Variants in TRPC6 observed in about 807,000 individuals in gnomAD.
TRPC6 encodes short transient receptor potential channel 6.
A neutral mutation model predicts 90.7 loss-of-function variants in TRPC6; 55 were observed. The observed-to-expected ratio is 0.61, with a 90% CI of 0.49 to 0.76. The LOEUF is 0.76. Among genes scored for constraint, TRPC6 ranks in the 30% least tolerant of loss-of-function variants. The pLI, the probability that TRPC6 is intolerant of heterozygous loss-of-function variation, is 0.00. For synonymous variants in TRPC6, 393 were observed against 393.0 expected (o/e 1.00, Z 0.00); for missense variants, 989 against 1,122.7 (o/e 0.88, Z 1.70).
intron 5 of TRPC6, among the ~76,000 whole-genome samples, chr11:101,481,873 A>G (rs1480637101): frequency 6.6e-6 from 1 of 152,180 alleles, no homozygotes; most frequent in Non-Finnish European, 1.5e-5. Context: ...CATCACTCGC[A>G]TCCATAAATG....
intron 6 of TRPC6, 69 bp downstream of exon 6, chr11:101,476,232 C>T: frequency 7.6e-7 from 1 of 1,311,932 alleles, no homozygotes; most frequent in Non-Finnish European, 1.1e-6. Context: ...AGTAACCGAA[C>T]TACTACTGAC....
At chr11:101,564,433 A>G (rs1861784652) in intron 1 of TRPC6, among the ~76,000 whole-genome samples, 1 of 152,256 alleles carries the variant, frequency 6.6e-6, no homozygotes, top group Non-Finnish European at 1.5e-5. Flanking sequence ...CTTCCTTTAC[A>G]AACTTATTAT....
intron 1 of TRPC6, among the ~76,000 whole-genome samples, chr11:101,535,213 AG>A (rs1861013043): frequency 1.0e-5 from 1 of 98,628 alleles, no homozygotes; most frequent in African/African-American, 3.3e-5. Context: ...GAAGGAAGGA[AG>A]GAAGGAAGGA....
In TRPC6 at chr11:101,489,108, G is replaced by A. The variant is rs1431687823; in HGVS notation, c.1129-7C>T. On this transcript the variant is annotated splice_polypyrimidine_tract_variant and splice_region_variant and intron_variant, in intron 3 of 12. Coordinates refer to ENST00000344327, the MANE Select transcript of TRPC6 (RefSeq NM_004621.6). ...AGTTTGGATGAGCTACAAACTAGCA[G>A]GGAAGTGACAAAATATTTAAATTTG... 1.9e-6 allele frequency: 3 copies of A among 1,613,718 alleles called. No individual in the cohort carries two copies. Among genetic ancestry groups the A allele is most frequent in the African/African-American group, 2.7e-5 (2 of 74,916 alleles).
intron 1 of TRPC6, among the ~76,000 whole-genome samples, chr11:101,508,381 G>T (rs1376110021): frequency 6.6e-6 from 1 of 152,082 alleles, no homozygotes; most frequent in East Asian, 1.9e-4. Flanking sequence ...TTGGCAAAAG[G>T]TGATGTCTGA....
rs1860162014 is a variant in TRPC6 at position 101,502,820 on chromosome 11, A to G, written c.945+1204T>C. Among the ~76,000 whole-genome samples the G allele has an allele frequency of 2.6e-5, 4 of 152,248 alleles. No homozygotes were observed. The South Asian group carries it at 8.3e-4, about 32-fold the overall frequency. Reference sequence around the variant, plus strand: ...ATTTTCCTCCTTCTAGCCTTTCTGGATAGACTGGACCTGAGGATAGATAGA... The same window carrying G: ...ATTTTCCTCCTTCTAGCCTTTCTGGGTAGACTGGACCTGAGGATAGATAGA... On this transcript the variant is annotated intron_variant, in intron 2 of 12. Transcript: ENST00000344327.
chr11:101,499,597 C>T lies in TRPC6; in HGVS notation c.945+4427G>A, dbSNP rs80307351. 1.4e-4 allele frequency among the ~76,000 whole-genome samples: 6 copies of T among 44,140 alleles called. 2 individuals are homozygous for T. Among genetic ancestry groups the T allele is most frequent in the East Asian group, 3.2e-4 (1 of 3,086 alleles). The allele number at this position is 44,140 out of a possible 152,430, so 29.0% of individuals were successfully genotyped here. On this transcript the variant is annotated intron_variant, in intron 2 of 12. Transcript: ENST00000344327. Reference sequence around the variant, plus strand: ...TGGTGTATATATACGTATATATATACGTATATATGGTATATATATATACAC... The same window carrying T: ...TGGTGTATATATACGTATATATATATGTATATATGGTATATATATATACAC...
chr11:101,454,987 T>C, intron 11 of TRPC6, 31 bp downstream of exon 11: 1 of 1,538,182 alleles, frequency 6.5e-7, no homozygotes, highest in Non-Finnish European at 9.0e-7. Context: ...TACAAGTAAC[T>C]AGTTTTATTC....
At chr11:101,488,900 C>A (rs1157549584) in intron 4 of TRPC6, 37 bp downstream of exon 4, 1 of 1,611,526 alleles carries the variant, frequency 6.2e-7, no homozygotes, top group Admixed American at 1.7e-5. Context: ...AAACATATTT[C>A]TAGTAGATAA....
chr11:101,488,859 T>C, intron 4 of TRPC6, 78 bp downstream of exon 4: 3 of 1,543,494 alleles, frequency 1.9e-6, no homozygotes, highest in Non-Finnish European at 2.7e-6. Context: ...CCTGAAATTT[T>C]CACTTTGGAG....
In TRPC6 at chr11:101,558,215, ATATATGTAT is replaced by A. The variant is rs1159941410; in HGVS notation, c.170+25110_170+25118del. On this transcript the variant is annotated intron_variant, in intron 1 of 12. Transcript: ENST00000344327. ...CATATATATGTGTGTGTATACATGTATATATGTATACATGTATATGGGTATACATGTATA... is the reference window on the plus strand; with the variant it reads ...CATATATATGTGTGTGTATACATGTAACATGTATATGGGTATACATGTATA... Among the ~76,000 whole-genome samples, 13 of 66,522 alleles carry A rather than the reference ATATATGTAT, an allele frequency of 2.0e-4. 1 individual carries two copies. Among genetic ancestry groups the A allele is most frequent in the Non-Finnish European group, 2.9e-4 (10 of 34,860 alleles). The allele number at this position is 66,522 out of a possible 152,430, so 43.6% of individuals were successfully genotyped here.
rs182093638 is a variant in TRPC6 at position 101,522,863 on chromosome 11, T to C, written c.171-18065A>G. 3.9e-5 allele frequency among the ~76,000 whole-genome samples: 6 copies of C among 152,312 alleles called. No homozygotes were observed. The East Asian group carries it at 7.7e-4, about 20-fold the overall frequency. On this transcript the variant is annotated intron_variant, in intron 1 of 12. Transcript: ENST00000344327. ...AGTGCCAGCATTACAATAGAATTAT[T>C]TGAGAAAATCCATAAAATTTGTAAA...
chr11:101,458,015 T>C (rs998815600), intron 10 of TRPC6, among the ~76,000 whole-genome samples: 5 of 152,204 alleles, frequency 3.3e-5, no homozygotes, highest in African/African-American at 1.2e-4. Context: ...ACCTAACTAC[T>C]GAACATCATA....
intron 1 of TRPC6, among the ~76,000 whole-genome samples, chr11:101,553,068 AGTAAGATAGGGTGAG>A (rs1861483350): frequency 1.3e-5 from 2 of 152,110 alleles, no homozygotes; most frequent in Non-Finnish European, 2.9e-5. Context: ...ATTAATGGGA[AGTAAGATAGGGTGAG>A]GTAGAGTATT....
chr11:101,583,234 G>C lies in TRPC6; in HGVS notation c.170+100C>G. The C allele has an allele frequency of 2.0e-6, 3 of 1,480,212 alleles. No homozygotes were observed. In the South Asian group the frequency reaches 4.0e-5, roughly 20 times the overall value. The allele number at this position is 1,480,212 out of a possible 1,614,324, so 91.7% of individuals were successfully genotyped here. On this transcript the variant is annotated intron_variant, in intron 1 of 12. Coordinates refer to ENST00000344327, the MANE Select transcript of TRPC6 (RefSeq NM_004621.6). ...GCACCGTCCTAGGAGGTACACACGC[G>C]GGTTCAGGACGCGCGCGGACGGACT...
chr11:101,579,429 C>T (rs767091572), intron 1 of TRPC6, among the ~76,000 whole-genome samples: 12 of 152,100 alleles, frequency 7.9e-5, no homozygotes, highest in Non-Finnish European at 1.5e-4. Flanking sequence ...CACTCATGGT[C>T]GATTGAGTCC....
intron 6 of TRPC6, among the ~76,000 whole-genome samples, chr11:101,474,328 TCAAA>T (rs1462329645): frequency 6.6e-6 from 1 of 152,176 alleles, no homozygotes; most frequent in Non-Finnish European, 1.5e-5. Context: ...TATTGGTCAC[TCAAA>T]CAAGTCTATT....
At chr11:101,558,262 T>C in intron 1 of TRPC6, among the ~76,000 whole-genome samples, 1 of 140,124 alleles carries the variant, frequency 7.1e-6, no homozygotes, top group Non-Finnish European at 1.6e-5. Flanking sequence ...TGTATACATG[T>C]ATATGGGTAT....
In TRPC6 at chr11:101,550,504, GATA is replaced by G. The variant is rs886575384; in HGVS notation, c.170+32827_170+32829del. Among the ~76,000 whole-genome samples, 13 of 151,586 alleles carry G rather than the reference GATA, an allele frequency of 8.6e-5. 1 individual carries two copies. The South Asian group carries it at 1.0e-3, about 12-fold the overall frequency. ...CTATTATGCAAATATTTGTTCAACT[GATA>G]ATAATAATTTTCATAACCTTAAAAC... On this transcript the variant is annotated intron_variant, in intron 1 of 12. Coordinates refer to ENST00000344327, the MANE Select transcript of TRPC6 (RefSeq NM_004621.6).
Sources: allele counts gnomAD v4.1 joint callset (sites outside exome capture counted in the v4.1 genomes callset), GRCh38; gene constraint gnomAD v4.1.1; transcripts MANE v1.5; gene names NCBI Gene and HGNC (gene_info 2026-07-23, HGNC 2026-07-21).